CACNA1S: variants seen among roughly 807,000 people sequenced by gnomAD.
The protein encoded by CACNA1S is voltage-dependent L-type calcium channel subunit alpha-1S.
Under a neutral mutation model 207.4 loss-of-function variants are expected in CACNA1S, and 126 were observed. The ratio of observed to expected loss-of-function variants is 0.61; its 90% CI spans 0.53 to 0.70. CACNA1S has a LOEUF of 0.70. Among genes scored for constraint, CACNA1S ranks in the 30% least tolerant of loss-of-function variants. The pLI, the probability that CACNA1S is intolerant of heterozygous loss-of-function variation, is 0.00. For synonymous variants in CACNA1S, 960 were observed against 932.7 expected, an observed-to-expected ratio of 1.03 and a Z score of -0.53; for missense variants, 2,349 against 2,422.8, an observed-to-expected ratio of 0.97 and a Z score of 0.64.
intron 40 of CACNA1S, chr1:201,041,973 A>G (rs1431094658): frequency 2.9e-6 from 1 of 345,774 alleles, no homozygotes; most frequent in Non-Finnish European, 5.6e-6. Context: ...ATCTGTGGTG[A>G]GGCCCAGGCA....
chr1:201,060,891 T>A lies in CACNA1S; in HGVS notation c.3256-75A>T. 5 of 1,581,150 alleles carry A rather than the reference T, an allele frequency of 3.2e-6. No homozygotes were observed. In the South Asian group the frequency reaches 4.4e-5, roughly 14 times the overall value. Reference sequence around the variant, plus strand: ...CTCTCCACACCCACATCCATGGGATTGACGGGCAAGTCAGGAGCAGCTGTG... The same window carrying A: ...CTCTCCACACCCACATCCATGGGATAGACGGGCAAGTCAGGAGCAGCTGTG... On this transcript the variant is annotated intron_variant, in intron 25 of 43. Coordinates refer to ENST00000362061, the MANE Select transcript of CACNA1S (RefSeq NM_000069.3).
At position 201,039,625 on chromosome 1, in the gene CACNA1S, G is replaced by A. The variant is rs548747465; in HGVS notation, c.*206C>T. On this transcript the variant is annotated 3_prime_UTR_variant, in exon 44 of 44. Coordinates refer to ENST00000362061, the MANE Select transcript of CACNA1S (RefSeq NM_000069.3). ...GACATTAGAAGCTCCATCCAATCATGCCTCTTGCTGGTGAGGGGCAGGGCC... is the reference window on the plus strand; with the variant it reads ...GACATTAGAAGCTCCATCCAATCATACCTCTTGCTGGTGAGGGGCAGGGCC... 6.3e-6 allele frequency: 4 copies of A among 637,498 alleles called. No individual in the cohort carries two copies. The highest frequency in any genetic ancestry group is 5.7e-5 in the South Asian group (3 of 52,866). 39.5% of individuals were successfully genotyped at this position (637,498 alleles called of 1,614,324 possible).
Position 201,089,450 on chromosome 1 carries a change from C to A in CACNA1S, c.708G>T (p.Thr236=). Residue 236 remains threonine, a synonymous_variant, in exon 6 of 44, where the codon ACG becomes ACT. Coordinates refer to ENST00000362061, the MANE Select transcript of CACNA1S (RefSeq NM_000069.3). Reference sequence around the variant, plus strand: ...AGGGCGATGGCTCTTCATTCTCCACCGTGGCCACGATATCTGGAGGCAGAA... The same window carrying A: ...AGGGCGATGGCTCTTCATTCTCCACAGTGGCCACGATATCTGGAGGCAGAA... ...CYFIGTDIVA[T]VENEEPSPCA... is the part of the protein sequence containing the mutation. 1.2e-6 allele frequency: 2 copies of A among 1,613,948 alleles called. No homozygotes were observed. Among genetic ancestry groups the A allele is most frequent in the Non-Finnish European group, 1.7e-6 (2 of 1,180,002 alleles).
At chr1:201,100,474 C>T (rs970285721) in intron 2 of CACNA1S, among the ~76,000 whole-genome samples, 1 of 152,200 alleles carries the variant, frequency 6.6e-6, no homozygotes, top group African/African-American at 2.4e-5. Flanking sequence ...TATGTTTAGC[C>T]CAACGAACGC....
intron 2 of CACNA1S, among the ~76,000 whole-genome samples, chr1:201,101,044 T>A (rs1408669366): frequency 7.3e-6 from 1 of 136,556 alleles, no homozygotes; most frequent in Non-Finnish European, 1.6e-5. Flanking sequence ...CGTTTTACAT[T>A]TCTTTATTTT....
At chr1:201,090,758 G>C (rs1662194415) in intron 5 of CACNA1S, among the ~76,000 whole-genome samples, 1 of 152,170 alleles carries the variant, frequency 6.6e-6, no homozygotes, top group African/African-American at 2.4e-5. Context: ...ATTTTCCAGA[G>C]GCTACATGAG....
intron 28 of CACNA1S, among the ~76,000 whole-genome samples, chr1:201,055,378 A>G (rs1220416817): frequency 6.6e-6 from 1 of 152,158 alleles, no homozygotes; most frequent in Non-Finnish European, 1.5e-5. Context: ...AAAAACACAT[A>G]TACCTTTGCT....
At chr1:201,042,336 C>G (rs1660277611) in intron 40 of CACNA1S, among the ~76,000 whole-genome samples, 1 of 152,168 alleles carries the variant, frequency 6.6e-6, no homozygotes, top group Non-Finnish European at 1.5e-5. Flanking sequence ...CACGGTTTCT[C>G]CATGTTGGCC....
chr1:201,110,041 G>A (rs1663036614), intron 2 of CACNA1S, 123 bp downstream of exon 2: 2 of 884,998 alleles, frequency 2.3e-6, no homozygotes, highest in Non-Finnish European at 3.8e-6. Flanking sequence ...TGGGGATGCA[G>A]GGCCTGCATC....
Position 201,092,066 on chromosome 1 carries a change from T to C in CACNA1S, c.447A>G (p.Thr149=). The C allele has an allele frequency of 6.2e-7, 1 of 1,614,052 alleles. No individual in the cohort carries two copies. The highest frequency in any genetic ancestry group is 8.5e-7 in the Non-Finnish European group (1 of 1,179,990). ...LEQVNVIQSH[T]APMSSKGAGL... ...CGGCTCCTTTGCTGCTCATTGGGGC[T>C]GTGTGGCTTTGGATGACGTTAACCT... The change falls in exon 4 of 44, where the codon ACA becomes ACG. Residue 149 remains threonine (T), a synonymous_variant. Coordinates refer to ENST00000362061, the MANE Select transcript of CACNA1S (RefSeq NM_000069.3).
chr1:201,048,363 TG>T (rs1660541657), intron 36 of CACNA1S, among the ~76,000 whole-genome samples: 1 of 152,190 alleles, frequency 6.6e-6, no homozygotes, highest in Non-Finnish European at 1.5e-5. Context: ...CTGAGGAGTG[TG>T]GGAACAGACC....
Position 201,058,511 on chromosome 1 carries a change from G to A in CACNA1S, c.3526-20C>T. On this transcript the variant is annotated intron_variant, in intron 27 of 43. Coordinates refer to ENST00000362061, the MANE Select transcript of CACNA1S (RefSeq NM_000069.3). ...GTAGCCCTGGGAAGGAAAAGGATGG[G>A]AAAGCGAGGGGGTGAGCTTTGGGAG... 5 of 1,585,874 alleles carry A rather than the reference G, an allele frequency of 3.2e-6. No homozygotes were observed. Among genetic ancestry groups the A allele is most frequent in the Non-Finnish European group, 4.3e-6 (5 of 1,154,464 alleles).
intron 2 of CACNA1S, among the ~76,000 whole-genome samples, chr1:201,101,344 A>C (rs778447799): frequency 1.3e-5 from 2 of 152,238 alleles, no homozygotes; most frequent in Non-Finnish European, 2.9e-5. Flanking sequence ...TTGACAAAAA[A>C]CAACCCTCAC....
In CACNA1S at chr1:201,053,164, C is replaced by T. The variant is rs1660715369; in HGVS notation, c.3861+45G>A. The T allele has an allele frequency of 6.2e-7, 1 of 1,611,748 alleles. No individual in the cohort carries two copies. Among genetic ancestry groups the T allele is most frequent in the South Asian group, 1.1e-5 (1 of 91,032 alleles). ...CAGGGTCCACTGATGCCCCCTCTAA[C>T]TTGGCCAAGATCCATGCTTTGGCCT... On this transcript the variant is annotated intron_variant, in intron 31 of 43. Coordinates refer to ENST00000362061, the MANE Select transcript of CACNA1S (RefSeq NM_000069.3). The surrounding 1 kb of genome is among the most constrained non-coding windows in gnomAD (Gnocchi z 5.1).
Position 201,066,016 on chromosome 1 carries a change from C to T in CACNA1S, c.2746-71G>A, listed in dbSNP as rs2102582142. The T allele has an allele frequency of 1.7e-6, 2 of 1,165,534 alleles. No homozygotes were observed. Among genetic ancestry groups the T allele is most frequent in the East Asian group, 2.5e-5 (1 of 39,924 alleles). The allele number at this position is 1,165,534 out of a possible 1,614,324, so 72.2% of individuals were successfully genotyped here. ...ACCCTGCTAGCCCAGTTGAGGAAACCCCAGGAGTGCAAGACTTGCTGCCTC... is the reference window on the plus strand; with the variant it reads ...ACCCTGCTAGCCCAGTTGAGGAAACTCCAGGAGTGCAAGACTTGCTGCCTC... On this transcript the variant is annotated intron_variant, in intron 21 of 43. Coordinates refer to ENST00000362061, the MANE Select transcript of CACNA1S (RefSeq NM_000069.3). This position sits in a 1 kb window ranked among gnomAD's most constrained non-coding sequence, Gnocchi z 4.3.
chr1:201,069,027 C>T, intron 19 of CACNA1S, 110 bp downstream of exon 19: 2 of 962,656 alleles, frequency 2.1e-6, no homozygotes, highest in East Asian at 2.5e-5. Flanking sequence ...TCTTTCCTGC[C>T]AGTCTCCACC....
intron 41 of CACNA1S, among the ~76,000 whole-genome samples, chr1:201,041,109 G>C (rs1660167808): frequency 6.6e-6 from 1 of 152,208 alleles, no homozygotes. Flanking sequence ...GGACATACTA[G>C]ACTACAAGAT....
intron 22 of CACNA1S, among the ~76,000 whole-genome samples, chr1:201,065,147 G>A (rs111392895): frequency 1.0e-3 from 153 of 152,322 alleles, no homozygotes; most frequent in African/African-American, 3.6e-3. Context: ...CAAGAGGCCC[G>A]GGATGGATGT....
At chr1:201,052,473 AG>A in intron 32 of CACNA1S, 83 bp downstream of exon 32, 1 of 1,089,950 alleles carries the variant, frequency 9.2e-7, no homozygotes. Context: ...CCATGAAGCC[AG>A]CCCTGGCTCC....
Sources: allele counts gnomAD v4.1 joint callset (sites outside exome capture counted in the v4.1 genomes callset), GRCh38; gene constraint gnomAD v4.1.1; non-coding constraint Gnocchi (gnomAD v3.1); transcripts MANE v1.5; gene names NCBI Gene and HGNC (gene_info 2026-07-23, HGNC 2026-07-21).